PPM1B: variants seen among roughly 807,000 people sequenced by gnomAD.
The protein encoded by PPM1B is protein phosphatase, Mg2+/Mn2+ dependent 1B.
Under a neutral mutation model 43.0 loss-of-function variants are expected in PPM1B, and 22 were observed. The ratio of observed to expected loss-of-function variants is 0.51; its 90% CI spans 0.37 to 0.73. The LOEUF is 0.73. PPM1B is among the 30% of genes least tolerant of loss of function. The pLI, the probability that PPM1B is intolerant of heterozygous loss-of-function variation, is 0.00. For synonymous variants in PPM1B, 217 were observed against 197.9 expected, an observed-to-expected ratio of 1.10 and a Z score of -0.81; for missense variants, 632 against 584.2, an observed-to-expected ratio of 1.08 and a Z score of -0.84.
chr2:44,231,082 A>G lies in PPM1B; in HGVS notation c.*364A>G. The G allele has an allele frequency of 3.3e-6, 3 of 902,248 alleles. No homozygotes were observed. The highest frequency in any genetic ancestry group is 4.0e-6 in the Non-Finnish European group (3 of 752,362). The allele number at this position is 902,248 out of a possible 1,614,324, so 55.9% of individuals were successfully genotyped here. ...TGTTAATGTAGAATTATACTGCTTCATATTATTTTACCTATTAGTACACTC... is the reference window on the plus strand; with the variant it reads ...TGTTAATGTAGAATTATACTGCTTCGTATTATTTTACCTATTAGTACACTC... On this transcript the variant is annotated 3_prime_UTR_variant, in exon 6 of 6. Coordinates refer to ENST00000282412, the MANE Select transcript of PPM1B (RefSeq NM_002706.6).
chr2:44,200,421 A>G (rs889685331), intron 1 of PPM1B, among the ~76,000 whole-genome samples: 12 of 152,312 alleles, frequency 7.9e-5, no homozygotes, highest in African/African-American at 1.4e-4. Context: ...GTACTTTCCA[A>G]TTCTAAGGAT....
intron 2 of PPM1B, among the ~76,000 whole-genome samples, chr2:44,202,802 C>T (rs1669001668): frequency 1.3e-5 from 2 of 152,000 alleles, no homozygotes; most frequent in African/African-American, 4.8e-5. Context: ...GAAAAAAAGT[C>T]CAGAGTAATA....
chr2:44,201,460 A>C lies in PPM1B; in HGVS notation c.261A>C (p.Ala87=). The change falls in exon 2 of 6, where the codon GCA becomes GCC. Residue 87 remains alanine (A), a synonymous_variant. Transcript: ENST00000282412. This position sits in a 1 kb window ranked among gnomAD's most constrained non-coding sequence, Gnocchi z 5.4. The stretch of plus-strand genomic sequence containing the variant: ...TCACTACTAACGAAGACTTTAGGGC[A>C]GCTGGAAAATCAGGATCTGCTCTTG... ...EHITTNEDFR[A]AGKSGSALEL... is the part of the protein sequence containing the mutation. 6.2e-7 allele frequency: 1 copy of C among 1,614,256 alleles called. No individual in the cohort carries two copies. The highest frequency in any genetic ancestry group is 8.5e-7 in the Non-Finnish European group (1 of 1,180,044).
At chr2:44,230,070 G>T in intron 5 of PPM1B, 1 of 1,542,934 alleles carries the variant, frequency 6.5e-7, no homozygotes, top group Non-Finnish European at 8.7e-7. Flanking sequence ...ATTTTCTTTT[G>T]TACTAAATCA....
chr2:44,230,396 T>G lies in PPM1B; in HGVS notation c.1135-17T>G. 1 of 1,611,836 alleles carries G rather than the reference T, an allele frequency of 6.2e-7. No homozygotes were observed. The highest frequency in any genetic ancestry group is 8.5e-7 in the Non-Finnish European group (1 of 1,178,926). ...TAGTTTGTCTACTGACACTGGGGTC[T>G]TGAATCTTAAAAAAAGGCCTCCGAT... is the stretch of plus-strand genomic sequence containing the variant. On this transcript the variant is annotated splice_polypyrimidine_tract_variant and intron_variant, in intron 5 of 5. Transcript: ENST00000282412.
intron 1 of PPM1B, among the ~76,000 whole-genome samples, chr2:44,178,997 C>G (rs1256176132): frequency 6.6e-6 from 1 of 152,216 alleles, no homozygotes; most frequent in African/African-American, 2.4e-5. Context: ...TGTGTCCCCA[C>G]CCAAGTCTCA....
At chr2:44,239,043 C>T (rs915294890), downstream of PPM1B, among the ~76,000 whole-genome samples, 3 of 151,718 alleles carry the variant, frequency 2.0e-5, no homozygotes, top group Admixed American at 6.6e-5. Context: ...GACGTGGTGG[C>T]GTGTACCTGT....
rs757977795 is a variant in PPM1B at position 44,201,135 on chromosome 2, A to T, written c.-14-51A>T. 2 of 1,484,524 alleles carry T rather than the reference A, an allele frequency of 1.3e-6. No homozygotes were observed. The highest frequency in any genetic ancestry group is 2.7e-5 in the South Asian group (2 of 74,256). 92.0% of individuals were successfully genotyped at this position (1,484,524 alleles called of 1,614,324 possible). A position where few individuals can be genotyped will look rare whatever the true frequency, so the allele number is the denominator to read the frequency against. ...CTAGACTATAGAGGGAATATTGTAC[A>T]TACATTTTCTGTCAAATTTAAACAT... On this transcript the variant is annotated intron_variant, in intron 1 of 5. Coordinates refer to ENST00000282412, the MANE Select transcript of PPM1B (RefSeq NM_002706.6). The surrounding 1 kb of genome is among the most constrained non-coding windows in gnomAD (Gnocchi z 5.4).
At chr2:44,234,660 C>A, downstream of PPM1B, 1 of 977,464 alleles carries the variant, frequency 1.0e-6, no homozygotes, top group Non-Finnish European at 1.2e-6. Context: ...CCTAGCCTGG[C>A]TATTCTCAAG....
intron 1 of PPM1B, among the ~76,000 whole-genome samples, chr2:44,170,459 A>G (rs1667280087): frequency 6.6e-6 from 1 of 152,250 alleles, no homozygotes; most frequent in East Asian, 1.9e-4. Flanking sequence ...GTTTACAACT[A>G]CGGTGATGTG....
intron 1 of PPM1B, among the ~76,000 whole-genome samples, chr2:44,193,526 TAGG>T (rs1558401547): frequency 6.6e-6 from 1 of 152,110 alleles, no homozygotes; most frequent in Non-Finnish European, 1.5e-5. Context: ...CCCTAGTAGC[TAGG>T]ACTACATGTG....
intron 1 of PPM1B, among the ~76,000 whole-genome samples, chr2:44,189,049 T>C (rs553711064): frequency 6.6e-6 from 1 of 152,104 alleles, no homozygotes; most frequent in South Asian, 2.1e-4. Flanking sequence ...TTTTTGTATT[T>C]TTTATGGAGA....
chr2:44,199,218 G>A (rs1292982171), intron 1 of PPM1B, among the ~76,000 whole-genome samples: 5 of 136,982 alleles, frequency 3.7e-5, no homozygotes, highest in South Asian at 2.3e-4. Flanking sequence ...AGATTGTGCC[G>A]TTGCACTCCA....
chr2:44,226,246 A>G (rs1670203737), intron 5 of PPM1B, among the ~76,000 whole-genome samples: 1 of 152,108 alleles, frequency 6.6e-6, no homozygotes, highest in South Asian at 2.1e-4. Context: ...AAGTGCTGGG[A>G]TTACAGACCT....
chr2:44,216,577 T>C (rs1669729590), intron 3 of PPM1B, among the ~76,000 whole-genome samples: 1 of 152,148 alleles, frequency 6.6e-6, no homozygotes, highest in Non-Finnish European at 1.5e-5. Context: ...TACTCAGACT[T>C]AGGTCAGAGA....
chr2:44,243,886 G>A (rs554002308), intron 5 of PPM1B, among the ~76,000 whole-genome samples: 6 of 152,094 alleles, frequency 3.9e-5, no homozygotes, highest in South Asian at 4.1e-4. Flanking sequence ...TCATTAATGT[G>A]TTGATTGAAT....
In PPM1B at chr2:44,230,435, G is replaced by A; in HGVS notation, c.1157G>A (p.Ser386Asn). The A allele has an allele frequency of 6.2e-7, 1 of 1,614,176 alleles. No individual in the cohort carries two copies. The highest frequency in any genetic ancestry group is 8.5e-7 in the Non-Finnish European group (1 of 1,179,992). ...AAGGCCTCCGATGAAGCAGAGGAAAGTGGATCACAGGGAAAATTGGTGGAA... is the reference window on the plus strand; with the variant it reads ...AAGGCCTCCGATGAAGCAGAGGAAAATGGATCACAGGGAAAATTGGTGGAA... ...SDGASDEAEESGSQGKLVEAL... is the reference protein window; with the variant it reads ...SDGASDEAEENGSQGKLVEAL... The change falls in exon 6 of 6, where the codon AGT becomes AAT. Residue 386 changes from serine (S) to asparagine (N), a missense_variant. Coordinates refer to ENST00000282412, the MANE Select transcript of PPM1B (RefSeq NM_002706.6).
chr2:44,207,700 C>T (rs1052899554), intron 2 of PPM1B, among the ~76,000 whole-genome samples: 12 of 151,492 alleles, frequency 7.9e-5, no homozygotes, highest in Admixed American at 1.3e-4. Flanking sequence ...CTTAGCCTCC[C>T]GAGTAGCTGG....
Position 44,230,737 on chromosome 2 carries a change from T to C in PPM1B, c.*19T>C, listed in dbSNP as rs199633319. On this transcript the variant is annotated 3_prime_UTR_variant, in exon 6 of 6. Coordinates refer to ENST00000282412, the MANE Select transcript of PPM1B (RefSeq NM_002706.6). ...AATATGACTTTCCTTTTTGGTAATA[T>C]TTTTGTGATCTTTGATGGTTTTTAA... 9.8e-5 allele frequency: 157 copies of C among 1,598,070 alleles called. No individual in the cohort carries two copies. Among genetic ancestry groups the C allele is most frequent in the Non-Finnish European group, 1.2e-4 (141 of 1,169,694 alleles).
Sources: allele counts gnomAD v4.1 joint callset (sites outside exome capture counted in the v4.1 genomes callset), GRCh38; gene constraint gnomAD v4.1.1; non-coding constraint Gnocchi (gnomAD v3.1); transcripts MANE v1.5; gene names NCBI Gene and HGNC (gene_info 2026-07-23, HGNC 2026-07-21).